Variants in ZBBX observed in about 807,000 individuals in gnomAD.
The protein encoded by ZBBX is zinc finger B-box domain-containing protein 1.
A neutral mutation model predicts 108.5 loss-of-function variants in ZBBX; 101 were observed. The observed-to-expected ratio is 0.93, with a 90% CI of 0.79 to 1.10. The LOEUF (loss-of-function observed/expected upper bound fraction) is 1.10. ZBBX is among the 50% of genes least tolerant of loss of function. The probability of loss-of-function intolerance (pLI) is 0.00; values close to 1 mark genes in which losing one functional copy is unlikely to be tolerated. For synonymous variants in ZBBX, 356 were observed against 323.4 expected, an observed-to-expected ratio of 1.10 and a Z score of -1.08; for missense variants, 1,009 against 941.4, an observed-to-expected ratio of 1.07 and a Z score of -0.94.
chr3:167,406,420 A>C (rs1748588681), intron 1 of ZBBX, among the ~76,000 whole-genome samples: 2 of 152,152 alleles, frequency 1.3e-5, no homozygotes, highest in African/African-American at 4.8e-5. Context: ...TCTAAATCAC[A>C]GTCTTGTAAG....
chr3:167,383,650 G>A (rs1747815665), upstream of ZBBX, among the ~76,000 whole-genome samples: 1 of 152,022 alleles, frequency 6.6e-6, no homozygotes, highest in Admixed American at 6.6e-5. Context: ...CTTCACAAAT[G>A]GAGGAGAATC....
chr3:167,206,018 C>A, the ZBBX span, among the ~76,000 whole-genome samples: 4 of 152,124 alleles, frequency 2.6e-5, no homozygotes, highest in Non-Finnish European at 5.9e-5. Flanking sequence ...AAAATCTGCT[C>A]TCTTAGGAAA....
the ZBBX span, among the ~76,000 whole-genome samples, chr3:167,202,914 A>G: frequency 6.6e-6 from 1 of 152,160 alleles, no homozygotes; most frequent in Non-Finnish European, 1.5e-5. Context: ...AACAGGTACT[A>G]AAGCCGAATA....
intron 20 of ZBBX, chr3:167,248,542 A>C (rs767229309): frequency 1.6e-5 from 7 of 437,710 alleles, no homozygotes; most frequent in Middle Eastern, 3.7e-4. Flanking sequence ...CTGCTGACTG[A>C]TAACTGCAAA....
intron 11 of ZBBX, 111 bp downstream of exon 11, chr3:167,327,831 T>C (rs1329380599): frequency 1.8e-6 from 2 of 1,083,380 alleles, no homozygotes; most frequent in Non-Finnish European, 2.6e-6. Context: ...GGAGAATTAC[T>C]TGAACCCGGA....
chr3:167,344,300 C>T (rs1352445858), intron 9 of ZBBX, among the ~76,000 whole-genome samples: 1 of 151,832 alleles, frequency 6.6e-6, no homozygotes, highest in Non-Finnish European at 1.5e-5. Flanking sequence ...AATAGTTTCA[C>T]TTAGCAGTAA....
intron 9 of ZBBX, 27 bp downstream of exon 9, chr3:167,350,393 C>A: frequency 6.5e-7 from 1 of 1,530,080 alleles, no homozygotes; most frequent in Non-Finnish European, 8.9e-7. Flanking sequence ...AAACACACTA[C>A]AAGTAAATCA....
intron 15 of ZBBX, among the ~76,000 whole-genome samples, chr3:167,314,905 A>C (rs1735177865): frequency 6.6e-6 from 1 of 152,174 alleles, no homozygotes; most frequent in Non-Finnish European, 1.5e-5. Flanking sequence ...ATTTCCTTAG[A>C]GATAGAGTGG....
intron 1 of ZBBX, among the ~76,000 whole-genome samples, chr3:167,391,298 T>C (rs1748078566): frequency 6.6e-6 from 1 of 152,040 alleles, no homozygotes. Flanking sequence ...TATTGATTTA[T>C]ATATGTTGAC....
At chr3:167,254,387 T>A (rs2108377561) in intron 20 of ZBBX, among the ~76,000 whole-genome samples, 1 of 152,228 alleles carries the variant, frequency 6.6e-6, no homozygotes, top group East Asian at 1.9e-4. Flanking sequence ...TTTTGCAAAT[T>A]TTCTGTTTTA....
chr3:167,342,666 A>C (rs1198061595), intron 9 of ZBBX, among the ~76,000 whole-genome samples: 3 of 151,708 alleles, frequency 2.0e-5, no homozygotes, highest in Non-Finnish European at 4.4e-5. Context: ...CCACTATTCT[A>C]ATTTCTGCTT....
At chr3:167,401,544 A>G (rs534826845) in intron 1 of ZBBX, 1 of 152,256 alleles carries the variant, frequency 6.6e-6, no homozygotes, top group Admixed American at 6.5e-5. Flanking sequence ...CAAGGGGTGA[A>G]TTATTTATGC....
In ZBBX at chr3:167,372,939, T is replaced by A. The variant is rs542817232; in HGVS notation, c.-38A>T. The A allele has an allele frequency of 6.1e-5, 90 of 1,477,836 alleles. No individual in the cohort carries two copies. The highest frequency in any genetic ancestry group is 7.6e-5 in the Non-Finnish European group (82 of 1,086,040). 91.5% of individuals were successfully genotyped at this position (1,477,836 alleles called of 1,614,324 possible). On this transcript the variant is annotated 5_prime_UTR_variant, in exon 4 of 22. Coordinates refer to ENST00000675490, the MANE Select transcript of ZBBX (RefSeq NM_001199201.2). ...AATATTGTCTAAAAGTTATTCTGAT[T>A]TGTAAACACTTCTGTAAAAGTAACA...
intron 20 of ZBBX, among the ~76,000 whole-genome samples, chr3:167,243,476 G>A (rs781692575): frequency 1.2e-4 from 18 of 151,524 alleles, no homozygotes; most frequent in African/African-American, 2.4e-4. Context: ...TTGGCTCACC[G>A]CAACCTCCGC....
chr3:167,297,931 T>C (rs1731960849), intron 18 of ZBBX, among the ~76,000 whole-genome samples: 1 of 151,988 alleles, frequency 6.6e-6, no homozygotes, highest in African/African-American at 2.4e-5. Context: ...AATCGGAACA[T>C]TTGTGCCCTG....
chr3:167,235,771 A>C (rs1720210398), downstream of ZBBX, among the ~76,000 whole-genome samples: 1 of 151,596 alleles, frequency 6.6e-6, no homozygotes, highest in African/African-American at 2.4e-5. Context: ...AAATAGGAGG[A>C]TCTTTATTTC....
At position 167,333,932 on chromosome 3, in the gene ZBBX, CT is replaced by C. The variant is rs1355777817; in HGVS notation, c.581del (p.Lys194ArgfsTer37). The C allele has an allele frequency of 1.9e-6, 3 of 1,609,784 alleles. No homozygotes were observed. Among genetic ancestry groups the C allele is most frequent in the Non-Finnish European group, 1.7e-6 (2 of 1,177,940 alleles). ...NVLDVAHQFI[K>X]DVNPDEPKEE... The stretch of plus-strand genomic sequence containing the variant: ...CTTTGGGTTCATCTGGATTAACATC[CT>C]TTATAAACTGATGGGCAACATCCAA... On this transcript the variant is annotated frameshift_variant, in exon 10 of 22. Coordinates refer to ENST00000675490, the MANE Select transcript of ZBBX (RefSeq NM_001199201.2). LOFTEE classifies it high-confidence loss of function.
At chr3:167,337,059 A>G (rs1250506649) in intron 9 of ZBBX, among the ~76,000 whole-genome samples, 2 of 152,182 alleles carry the variant, frequency 1.3e-5, no homozygotes, top group African/African-American at 4.8e-5. Context: ...TGGTCACCAC[A>G]TAACAAGCTG....
intron 8 of ZBBX, among the ~76,000 whole-genome samples, chr3:167,358,420 T>C (rs1473014939): frequency 6.6e-6 from 1 of 152,020 alleles, no homozygotes; most frequent in African/African-American, 2.4e-5. Context: ...AGAGTTTCAG[T>C]TTTGCAAGAT....
Sources: gnomAD v4.1 joint callset for allele counts (sites outside exome capture counted in the v4.1 genomes callset) on GRCh38, gnomAD v4.1.1 for gene constraint, MANE v1.5 for transcripts, NCBI Gene and HGNC (gene_info 2026-07-23, HGNC 2026-07-21) for gene names.